MGARP: variants seen among roughly 807,000 people sequenced by gnomAD.
MGARP encodes the protein mitochondria localized glutamic acid rich protein, also known as protein MGARP.
In MGARP, 12 loss-of-function variants were observed where a neutral mutation model predicts 11.0. The ratio of observed to expected loss-of-function variants is 1.09; its 90% CI spans 0.70 to 1.77. MGARP has a LOEUF of 1.77. Among genes scored for constraint, MGARP ranks in the 40% most tolerant of loss-of-function variants. MGARP has a pLI of 0.00. For synonymous variants in MGARP, 110 were observed against 115.4 expected, an observed-to-expected ratio of 0.95 and a Z score of 0.30; for missense variants, 283 against 297.8, an observed-to-expected ratio of 0.95 and a Z score of 0.36.
At chr4:139,268,598 A>G in intron 3 of MGARP, 74 bp downstream of exon 3, 6 of 1,005,068 alleles carry the variant, frequency 6.0e-6, no homozygotes, top group South Asian at 1.7e-5. Context: ...AATAGTGTTC[A>G]TTGCTAGACT....
rs769534733 is a variant in MGARP, at chr4:139,275,334, A to G, written c.141T>C (p.Ile47=). ...CTGTGACGCCTACAACCAGATAATA[A>G]ATCATATTTGATCCAGATGATCCAG... ...RFPGSSGSNM[I]YYLVVGVTVS... The change falls in exon 2 of 4, where the codon ATT becomes ATC. Residue 47 remains isoleucine (I), a synonymous_variant. Transcript: ENST00000398955. The G allele has an allele frequency of 6.2e-7, 1 of 1,614,096 alleles. No homozygotes were observed. The highest frequency in any genetic ancestry group is 2.2e-5 in the East Asian group (1 of 44,870).
rs1380107925 is a variant in MGARP at position 139,266,561 on chromosome 4, C to G, written c.*38G>C. 1.3e-4 allele frequency: 209 copies of G among 1,572,576 alleles called. No homozygotes were observed. Among genetic ancestry groups the G allele is most frequent in the Non-Finnish European group, 1.8e-4 (203 of 1,154,748 alleles). ...AACACAAAAGCACTTATCAGACACC[C>G]TATGGCATTTGTTGCTGAAATGTCT... On this transcript the variant is annotated 3_prime_UTR_variant, in exon 4 of 4. Coordinates refer to ENST00000398955, the MANE Select transcript of MGARP (RefSeq NM_032623.4).
intron 1 of MGARP, 96 bp downstream of exon 1, chr4:139,279,981 G>T (rs1278080095): frequency 3.8e-6 from 5 of 1,316,864 alleles, no homozygotes; most frequent in South Asian, 2.5e-5. Context: ...CTCTGGGTCG[G>T]GTTTGGCCAA....
intron 2 of MGARP, among the ~76,000 whole-genome samples, chr4:139,271,995 T>C (rs1744789548): frequency 6.6e-6 from 1 of 152,126 alleles, no homozygotes; most frequent in Non-Finnish European, 1.5e-5. Flanking sequence ...GGTATAGTGA[T>C]GTCCAAATGA....
intron 1 of MGARP, among the ~76,000 whole-genome samples, chr4:139,276,083 A>G (rs899429004): frequency 3.3e-5 from 5 of 152,234 alleles, no homozygotes; most frequent in African/African-American, 1.2e-4. Flanking sequence ...ATATCCTATA[A>G]TGCCCTGGAA....
intron 1 of MGARP, among the ~76,000 whole-genome samples, chr4:139,276,336 G>A (rs150966258): frequency 2.7e-3 from 406 of 152,262 alleles, no homozygotes; most frequent in African/African-American, 8.9e-3. Flanking sequence ...ACAAATAATT[G>A]TGATACAGTA....
At chr4:139,273,327 C>T (rs991613379) in intron 2 of MGARP, among the ~76,000 whole-genome samples, 4 of 151,856 alleles carry the variant, frequency 2.6e-5, no homozygotes, top group East Asian at 1.9e-4. Flanking sequence ...TCAAGCGATC[C>T]TCCCATCAAA....
At chr4:139,270,091 C>T (rs750695897) in intron 2 of MGARP, among the ~76,000 whole-genome samples, 13 of 150,064 alleles carry the variant, frequency 8.7e-5, no homozygotes, top group South Asian at 2.1e-4. Flanking sequence ...CACCTGAGGT[C>T]GGGAGTTTGA....
intron 2 of MGARP, among the ~76,000 whole-genome samples, chr4:139,269,630 C>CAAAAAAAAAAAAAAAAAAAAAAAAAA (rs56142345): frequency 1.2e-5 from 1 of 81,856 alleles, no homozygotes; most frequent in Non-Finnish European, 2.6e-5. Flanking sequence ...GACTCCATCT[C>CAAAAAAAAAAAAAAAAAAAAAAAAAA]AAAAAAAAAA....
chr4:139,279,210 A>C (rs1316403604), intron 1 of MGARP, among the ~76,000 whole-genome samples: 1 of 152,202 alleles, frequency 6.6e-6, no homozygotes, highest in East Asian at 1.9e-4. Flanking sequence ...CTGGTCCCAG[A>C]AGAAAAACAA....
intron 2 of MGARP, among the ~76,000 whole-genome samples, chr4:139,271,054 T>A (rs1169152654): frequency 6.6e-6 from 1 of 152,148 alleles, no homozygotes; most frequent in Non-Finnish European, 1.5e-5. Flanking sequence ...GCCCAAAGAA[T>A]CTAGGTTTTC....
intron 1 of MGARP, among the ~76,000 whole-genome samples, chr4:139,277,041 G>A (rs1481175895): frequency 1.3e-5 from 2 of 152,078 alleles, no homozygotes; most frequent in Admixed American, 6.6e-5. Context: ...GAATAATTTT[G>A]TGCTTGAAAC....
chr4:139,280,034 C>G (rs775988596), intron 1 of MGARP, 43 bp downstream of exon 1: 2 of 1,601,648 alleles, frequency 1.2e-6, no homozygotes, highest in African/African-American at 2.7e-5. Flanking sequence ...AATCTGCACC[C>G]GAGGCGCCCG....
chr4:139,279,036 A>C (rs1744915838), intron 1 of MGARP, among the ~76,000 whole-genome samples: 1 of 152,112 alleles, frequency 6.6e-6, no homozygotes, highest in South Asian at 2.1e-4. Context: ...TCTGGGGTAA[A>C]ATTATCTCGG....
At chr4:139,273,195 C>T (rs1744813227) in intron 2 of MGARP, among the ~76,000 whole-genome samples, 1 of 152,058 alleles carries the variant, frequency 6.6e-6, no homozygotes, top group South Asian at 2.1e-4. Flanking sequence ...GCCACCACTA[C>T]AGGCTCTACT....
At chr4:139,277,593 A>T (rs1468037127) in intron 1 of MGARP, among the ~76,000 whole-genome samples, 1 of 152,240 alleles carries the variant, frequency 6.6e-6, no homozygotes, top group East Asian at 1.9e-4. Context: ...GAAATGAGAA[A>T]TTTTTCAATA....
At position 139,268,710 on chromosome 4, in the gene MGARP, A is replaced by T. The variant is rs761615730; in HGVS notation, c.242T>A (p.Leu81Ter). 1 of 1,611,022 alleles carries T rather than the reference A, an allele frequency of 6.2e-7. No individual in the cohort carries two copies. The highest frequency in any genetic ancestry group is 8.5e-7 in the Non-Finnish European group (1 of 1,179,006). ...TATCTCTGCTTTTGTTTTTTCTTTCAAATTTGTTTTATGTTCTGTGTGTTT... is the reference window on the plus strand; with the variant it reads ...TATCTCTGCTTTTGTTTTTTCTTTCTAATTTGTTTTATGTTCTGTGTGTTT... ...QAKHTEHKTN[L>*]KEKTKAEIHP... The change falls in exon 3 of 4, where the codon TTG (leucine) becomes TAG (stop). Residue 81 changes from leucine (L) to a stop codon, truncating the protein, a stop_gained. Coordinates refer to ENST00000398955, the MANE Select transcript of MGARP (RefSeq NM_032623.4). LOFTEE classifies it low-confidence loss of function (END_TRUNC).
At chr4:139,272,773 G>A (rs576745916) in intron 2 of MGARP, among the ~76,000 whole-genome samples, 29 of 131,874 alleles carry the variant, frequency 2.2e-4, no homozygotes, top group East Asian at 5.1e-4. Flanking sequence ...TGCAACCTCC[G>A]CCTCCCCGGT....
rs551133043 is a variant in MGARP, at chr4:139,275,161, A to G, written c.186+128T>C. ...ATTTTTCAGATGTGTATGCTTAATG[A>G]CACTTAAATCTATTGCTATGTTGTA... is the stretch of plus-strand genomic sequence containing the variant. On this transcript the variant is annotated intron_variant, in intron 2 of 3. Coordinates refer to ENST00000398955, the MANE Select transcript of MGARP (RefSeq NM_032623.4). 1.6e-5 allele frequency: 11 copies of G among 679,968 alleles called. No homozygotes were observed. In the South Asian group the frequency reaches 1.9e-4, roughly 12 times the overall value. The allele number at this position is 679,968 out of a possible 1,614,324, so 42.1% of individuals were successfully genotyped here.
Sources: gnomAD v4.1 joint callset for allele counts (sites outside exome capture counted in the v4.1 genomes callset) on GRCh38, gnomAD v4.1.1 for gene constraint, MANE v1.5 for transcripts, NCBI Gene and HGNC (gene_info 2026-07-23, HGNC 2026-07-21) for gene names.